KCNJ15: variants seen among roughly 807,000 people sequenced by gnomAD.
The protein encoded by KCNJ15 is ATP-sensitive inward rectifier potassium channel 15.
KCNJ15 carries 14 observed loss-of-function variants against 23.0 expected under a neutral mutation model. The observed-to-expected ratio is 0.61, with a 90% CI of 0.40 to 0.95. KCNJ15 has a LOEUF of 0.95. Ranked by LOEUF, KCNJ15 falls within the 40% of genes least tolerant of loss-of-function variation. The pLI is 0.00. For synonymous variants in KCNJ15, 185 were observed against 183.2 expected, an observed-to-expected ratio of 1.01 and a Z score of -0.08; for missense variants, 388 against 461.8, an observed-to-expected ratio of 0.84 and a Z score of 1.46.
At chr21:38,253,590 T>C (rs942117593), upstream of KCNJ15, among the ~76,000 whole-genome samples, 1 of 152,232 alleles carries the variant, frequency 6.6e-6, no homozygotes, top group Non-Finnish European at 1.5e-5. Context: ...CCAACTTAAA[T>C]AGAATTTATT....
intron 1 of KCNJ15, among the ~76,000 whole-genome samples, chr21:38,232,551 A>G (rs924180198): frequency 6.6e-6 from 1 of 151,620 alleles, no homozygotes; most frequent in Non-Finnish European, 1.5e-5. Flanking sequence ...AATTGATTTG[A>G]GGTCTTTCTT....
rs1455256454 is a variant in KCNJ15 at position 38,300,127 on chromosome 21, C to A, written c.866C>A (p.Ser289Tyr). ...LVVLLNATVE[S>Y]TSAVCQSRTS... is the part of the protein sequence containing the mutation. ...GTCCTCCTCAATGCCACTGTGGAAT[C>A]CACCAGCGCTGTCTGCCAGAGCCGA... The change falls in exon 3 of 3, where the codon TCC (serine) becomes TAC (tyrosine). Residue 289 changes from serine (S) to tyrosine (Y), a missense_variant. Transcript: ENST00000398938. 2 of 1,614,196 alleles carry A rather than the reference C, an allele frequency of 1.2e-6. No individual in the cohort carries two copies. The highest frequency in any genetic ancestry group is 2.2e-5 in the South Asian group (2 of 91,086).
intron 1 of KCNJ15, among the ~76,000 whole-genome samples, chr21:38,287,499 A>G (rs1329784295): frequency 6.6e-6 from 1 of 152,238 alleles, no homozygotes; most frequent in Non-Finnish European, 1.5e-5. Context: ...ATATATGTAA[A>G]TAGTACATAT....
At chr21:38,233,468 T>C (rs909162308) in intron 1 of KCNJ15, among the ~76,000 whole-genome samples, 1 of 152,166 alleles carries the variant, frequency 6.6e-6, no homozygotes, top group African/African-American at 2.4e-5. Context: ...TTTTACTCTT[T>C]GCTTTCTATA....
intron 1 of KCNJ15, among the ~76,000 whole-genome samples, chr21:38,275,145 C>T (rs1460575827): frequency 6.6e-6 from 1 of 152,090 alleles, no homozygotes; most frequent in Non-Finnish European, 1.5e-5. Context: ...TGAATTTTAC[C>T]TGGTGGCAAA....
At chr21:38,248,074 G>A (rs551245811) in intron 1 of KCNJ15, among the ~76,000 whole-genome samples, 5 of 152,260 alleles carry the variant, frequency 3.3e-5, no homozygotes. Flanking sequence ...TAAACTTATT[G>A]CTAGTAAGAG....
At position 38,300,366 on chromosome 21, in the gene KCNJ15, T is replaced by A. The variant is rs1454015055; in HGVS notation, c.1105T>A (p.Leu369Ile). The A allele has an allele frequency of 6.2e-7, 1 of 1,612,212 alleles. No individual in the cohort carries two copies. The highest frequency in any genetic ancestry group is 8.5e-7 in the Non-Finnish European group (1 of 1,178,866). Reference sequence around the variant, plus strand: ...GAGGGAAAGAGAACTGAGGACACTTTTATTACAACAGAGCAATGTCTGATC... The same window carrying A: ...GAGGGAAAGAGAACTGAGGACACTTATATTACAACAGAGCAATGTCTGATC... ...DQRERELRTL[L>I]LQQSNV Residue 369 changes from leucine to isoleucine, a missense_variant, in exon 3 of 3, where the codon TTA becomes ATA. By Grantham distance (5) the Leu-to-Ile change is conservative. Coordinates refer to ENST00000398938, the MANE Select transcript of KCNJ15 (RefSeq NM_170736.3).
At chr21:38,291,725 C>T (rs1984627964) in intron 1 of KCNJ15, 1 of 152,218 alleles carries the variant, frequency 6.6e-6, no homozygotes, top group South Asian at 2.1e-4. Context: ...GCACCCCAAA[C>T]CTGCTGAATC....
Position 38,289,711 on chromosome 21 carries a change from C to T in KCNJ15, c.-116-7215C>T, listed in dbSNP as rs192192059. Among the ~76,000 whole-genome samples, 6 of 152,144 alleles carry T rather than the reference C, an allele frequency of 3.9e-5. No individual in the cohort carries two copies. In the South Asian group the frequency reaches 8.3e-4, roughly 21 times the overall value. On this transcript the variant is annotated intron_variant, in intron 1 of 2. Transcript: ENST00000398938. ...TTGTGCCACTCCACTCCAGCCTGGG[C>T]GACAGAGACAGACTCCATCTCAAAA...
chr21:38,291,212 C>T (rs560284516), intron 1 of KCNJ15, among the ~76,000 whole-genome samples: 1 of 152,124 alleles, frequency 6.6e-6, no homozygotes, highest in Non-Finnish European at 1.5e-5. Flanking sequence ...GTATGGAACA[C>T]CTGAATCACA....
chr21:38,288,036 T>C (rs1216044264), intron 1 of KCNJ15, among the ~76,000 whole-genome samples: 1 of 75,474 alleles, frequency 1.3e-5, no homozygotes, highest in African/African-American at 4.9e-5. Flanking sequence ...CTTTGTTTTT[T>C]TTTTTTTTTT....
intron 1 of KCNJ15, among the ~76,000 whole-genome samples, chr21:38,236,266 G>GTATTT (rs1978594990): frequency 6.6e-6 from 1 of 152,064 alleles, no homozygotes; most frequent in Non-Finnish European, 1.5e-5. Context: ...TGCTCTGGCT[G>GTATTT]GTATTTGTAT....
chr21:38,282,006 C>T (rs8129961), intron 1 of KCNJ15, among the ~76,000 whole-genome samples: 34,342 of 152,004 alleles, frequency 0.23, 4,167 homozygotes, highest in East Asian at 0.35. Flanking sequence ...ATATGCATTT[C>T]TCTAGTGATT....
At position 38,299,745 on chromosome 21, in the gene KCNJ15, G is replaced by A. The variant is rs761124641; in HGVS notation, c.484G>A (p.Gly162Arg). Residue 162 changes from glycine (G) to arginine (R), a missense_variant, in exon 3 of 3, where the codon GGA becomes AGA. By Grantham distance (125) the Gly-to-Arg change is moderately radical. Transcript: ENST00000398938. This position sits in a 1 kb window ranked among gnomAD's most constrained non-coding sequence, Gnocchi z 4.5. ...ITTLIEIFITGTFLAKIARPK... is the reference protein window; with the variant it reads ...ITTLIEIFITRTFLAKIARPK... ...GACCTTGATTGAGATCTTCATCACC[G>A]GAACCTTCCTGGCCAAAATCGCCAG... is the stretch of plus-strand genomic sequence containing the variant. The A allele has an allele frequency of 3.8e-5, 61 of 1,613,918 alleles. No homozygotes were observed. The highest frequency in any genetic ancestry group is 1.6e-4 in the Middle Eastern group (1 of 6,084).
chr21:38,282,848 A>G (rs1983499565), intron 1 of KCNJ15, among the ~76,000 whole-genome samples: 1 of 152,154 alleles, frequency 6.6e-6, no homozygotes, highest in African/African-American at 2.4e-5. Context: ...AAGTATTATC[A>G]TGAGGTGTGG....
At chr21:38,259,145 A>T (rs1470838520) in intron 1 of KCNJ15, among the ~76,000 whole-genome samples, 1 of 152,208 alleles carries the variant, frequency 6.6e-6, no homozygotes, top group Non-Finnish European at 1.5e-5. Context: ...GGATTTAATC[A>T]GTACATGTCA....
upstream of KCNJ15, among the ~76,000 whole-genome samples, chr21:38,256,203 A>G (rs1475442539): frequency 6.6e-6 from 1 of 151,822 alleles, no homozygotes; most frequent in East Asian, 1.9e-4. Flanking sequence ...GCTTCCAGAG[A>G]TCTTCCATTA....
In KCNJ15 at chr21:38,234,095, G is replaced by A. The variant is rs76794931; in HGVS notation, c.-398-22951G>A. 1.3e-3 allele frequency among the ~76,000 whole-genome samples: 205 copies of A among 152,164 alleles called. 2 individuals carry two copies. Among genetic ancestry groups the A allele is most frequent in the Non-Finnish European group, 2.5e-3 (167 of 68,002 alleles). On this transcript the variant is annotated intron_variant, in intron 1 of 4. Coordinates refer to the KCNJ15 transcript ENST00000547341. Reference sequence around the variant, plus strand: ...CTCCACTCCCTTTCACCTCCTTTGGGCTCTTTTTGATAAATATGTTAGATT... The same window carrying A: ...CTCCACTCCCTTTCACCTCCTTTGGACTCTTTTTGATAAATATGTTAGATT...
chr21:38,230,855 G>A (rs1988715177), intron 1 of KCNJ15, among the ~76,000 whole-genome samples: 1 of 152,018 alleles, frequency 6.6e-6, no homozygotes, highest in Admixed American at 6.5e-5. Flanking sequence ...AAATCAGTGT[G>A]AGATCTTCAA....
Sources: allele counts gnomAD v4.1 joint callset (sites outside exome capture counted in the v4.1 genomes callset), GRCh38; gene constraint gnomAD v4.1.1; non-coding constraint Gnocchi (gnomAD v3.1); transcripts MANE v1.5; gene names NCBI Gene and HGNC (gene_info 2026-07-23, HGNC 2026-07-21).